The following TLE1 variants were observed in gnomAD, a reference collection of about 807,000 sequenced individuals.
TLE1 encodes the protein transducin-like enhancer protein 1.
TLE1 carries 21 observed loss-of-function variants against 89.8 expected under a neutral mutation model. The observed-to-expected ratio is 0.23, with a 90% CI of 0.17 to 0.34. The LOEUF (loss-of-function observed/expected upper bound fraction) is 0.34. Among genes scored for constraint, TLE1 ranks in the 10% least tolerant of loss-of-function variants. The pLI, the probability that TLE1 is intolerant of heterozygous loss-of-function variation, is 1.00. For missense variants in TLE1, 795 were observed against 1,031.2 expected (o/e 0.77, Z 3.14); for synonymous variants, 447 against 407.6 (o/e 1.10, Z -1.16).
intron 11 of TLE1, 145 bp from the exon 12 acceptor site, chr9:81,613,666 T>A: frequency 1.1e-6 from 1 of 930,016 alleles, no homozygotes; most frequent in Non-Finnish European, 1.6e-6. Flanking sequence ...TTGACAGCAT[T>A]AACTTGTGAG....
chr9:81,664,137 T>C (rs137866248), intron 4 of TLE1, among the ~76,000 whole-genome samples: 9 of 151,920 alleles, frequency 5.9e-5, no homozygotes, highest in East Asian at 1.9e-4. Flanking sequence ...TAAAGAAAGT[T>C]AGGAGCCAGG....
chr9:81,673,781 T>C (rs1489399568), intron 4 of TLE1, among the ~76,000 whole-genome samples: 1 of 152,132 alleles, frequency 6.6e-6, no homozygotes, highest in East Asian at 1.9e-4. Context: ...ACAACTCTAA[T>C]GTTGTCATTG....
chr9:81,629,412 A>G (rs1383986242), intron 8 of TLE1, among the ~76,000 whole-genome samples: 1 of 152,220 alleles, frequency 6.6e-6, no homozygotes, highest in Non-Finnish European at 1.5e-5. Context: ...GCACTTATAT[A>G]AGAAAAAACA....
At chr9:81,640,015 C>T (rs537778502) in intron 6 of TLE1, among the ~76,000 whole-genome samples, 6 of 152,148 alleles carry the variant, frequency 3.9e-5, no homozygotes, top group Non-Finnish European at 7.3e-5. Flanking sequence ...GCTTCAGGGA[C>T]ATATGGCCAT....
chr9:81,592,733 A>C (rs1215128705), intron 15 of TLE1, among the ~76,000 whole-genome samples: 1 of 152,240 alleles, frequency 6.6e-6, no homozygotes, highest in Admixed American at 6.5e-5. Flanking sequence ...TGTCCATTAA[A>C]TGGGAAACTC....
intron 12 of TLE1, among the ~76,000 whole-genome samples, chr9:81,612,633 T>C (rs11139339): frequency 1.2e-3 from 177 of 152,272 alleles, no homozygotes; most frequent in East Asian, 0.01. Context: ...AGGAGCACGG[T>C]TGGGCCAGCC....
intron 16 of TLE1, 95 bp downstream of exon 16, chr9:81,590,710 T>TA: frequency 6.5e-7 from 1 of 1,541,916 alleles, no homozygotes; most frequent in Non-Finnish European, 8.7e-7. Flanking sequence ...AAGAGGCTCT[T>TA]ATTGTGTGGG....
At chr9:81,687,521 G>GA in intron 1 of TLE1, 87 bp from the exon 2 acceptor site, 1 of 987,010 alleles carries the variant, frequency 1.0e-6, no homozygotes, top group Non-Finnish European at 1.6e-6. Context: ...GAACGGGTGG[G>GA]ACATAAACAT....
rs1289018848 is a variant in TLE1, at chr9:81,623,616, TTAAAAAAAAAAAA to T, written c.595-3072_595-3060del. 4.6e-3 allele frequency among the ~76,000 whole-genome samples: 389 copies of T among 84,370 alleles called. 3 individuals are homozygous for T. Among genetic ancestry groups the T allele is most frequent in the African/African-American group, 0.02 (363 of 18,066 alleles). The allele number at this position is 84,370 out of a possible 152,430, so 55.3% of individuals were successfully genotyped here. ...CAACATGGTGAAACCCCATCTGTAC[TTAAAAAAAAAAAA>T]AAAAAAAAAAAAATTAGCCGGGTGG... On this transcript the variant is annotated intron_variant, in intron 8 of 19. Transcript: ENST00000376499.
At chr9:81,630,699 T>C (rs1826474142) in intron 8 of TLE1, among the ~76,000 whole-genome samples, 1 of 152,230 alleles carries the variant, frequency 6.6e-6, no homozygotes, top group African/African-American at 2.4e-5. Context: ...AAACAGCAAT[T>C]GGCTGACTTA....
rs902096113 is a variant in TLE1 at position 81,613,276 on chromosome 9, T to C, written c.1063+101A>G. 7.7e-5 allele frequency: 115 copies of C among 1,502,598 alleles called. 1 individual carries two copies. In the African/African-American group the frequency reaches 1.4e-3, roughly 19 times the overall value. 93.1% of individuals were successfully genotyped at this position (1,502,598 alleles called of 1,614,324 possible). ...AGGAAGGAGGGTGGCCCTACGTACA[T>C]TTCATATTTGTAGGGCAATTGCGTC... On this transcript the variant is annotated intron_variant, in intron 12 of 19. Coordinates refer to ENST00000376499, the MANE Select transcript of TLE1 (RefSeq NM_005077.5).
Position 81,611,627 on chromosome 9 carries a change from C to T in TLE1, c.1254+142G>A, listed in dbSNP as rs527967913. 6.5e-6 allele frequency: 5 copies of T among 764,606 alleles called. No individual in the cohort carries two copies. In the East Asian group the frequency reaches 1.4e-4, roughly 21 times the overall value. The allele number at this position is 764,606 out of a possible 1,614,324, so 47.4% of individuals were successfully genotyped here. A position where few individuals can be genotyped will look rare whatever the true frequency, so the allele number is the denominator to read the frequency against. On this transcript the variant is annotated intron_variant, in intron 13 of 19. Transcript: ENST00000376499. Reference sequence around the variant, plus strand: ...GGAAGGTGAGTGTGTGGCTGGGAGACTGGGCGTCTTTGTCTCCGAGGTGTG... The same window carrying T: ...GGAAGGTGAGTGTGTGGCTGGGAGATTGGGCGTCTTTGTCTCCGAGGTGTG...
chr9:81,649,745 C>G (rs1043715941), intron 6 of TLE1, among the ~76,000 whole-genome samples: 8 of 152,116 alleles, frequency 5.3e-5, no homozygotes, highest in African/African-American at 1.9e-4. Context: ...CAGACAGTTT[C>G]CCGGTACCTC....
chr9:81,596,777 G>C (rs1418673186), intron 14 of TLE1, among the ~76,000 whole-genome samples: 2 of 152,172 alleles, frequency 1.3e-5, no homozygotes, highest in African/African-American at 4.8e-5. Flanking sequence ...CTTGGTGACT[G>C]CAAGGGGCAT....
chr9:81,656,155 G>C (rs1251272582), intron 4 of TLE1, among the ~76,000 whole-genome samples: 3 of 152,160 alleles, frequency 2.0e-5, no homozygotes, highest in Admixed American at 2.0e-4. Context: ...AAAGGGTGCA[G>C]CTGTACCAGG....
At chr9:81,687,489 A>G in intron 1 of TLE1, 55 bp from the exon 2 acceptor site, 2 of 1,391,778 alleles carry the variant, frequency 1.4e-6, no homozygotes, top group Non-Finnish European at 2.0e-6. Flanking sequence ...GGATGAATAA[A>G]GCAGTAAGTC....
intron 6 of TLE1, among the ~76,000 whole-genome samples, 166 bp from the exon 7 acceptor site, chr9:81,634,467 G>A (rs561244205): frequency 6.9e-6 from 1 of 144,718 alleles, no homozygotes. Context: ...AGAAAGAGAG[G>A]GAGGAAAGGG....
At chr9:81,596,155 T>G in intron 14 of TLE1, among the ~76,000 whole-genome samples, 1 of 152,318 alleles carries the variant, frequency 6.6e-6, no homozygotes. Context: ...TGCTGATCTT[T>G]GGAAGACACC....
intron 6 of TLE1, among the ~76,000 whole-genome samples, chr9:81,635,336 C>T (rs1405288869): frequency 2.6e-5 from 4 of 152,148 alleles, no homozygotes; most frequent in Non-Finnish European, 4.4e-5. Context: ...CTCCAGCCAG[C>T]GAGCCAAGCC....
Sources: gnomAD v4.1 joint callset for allele counts (sites outside exome capture counted in the v4.1 genomes callset) on GRCh38, gnomAD v4.1.1 for gene constraint, MANE v1.5 for transcripts, NCBI Gene and HGNC (gene_info 2026-07-23, HGNC 2026-07-21) for gene names.